Variants in GAS6 observed in about 807,000 individuals in gnomAD.
GAS6 encodes growth arrest-specific protein 6.
In GAS6, 41 loss-of-function variants were observed where a neutral mutation model predicts 75.8. The observed-to-expected ratio is 0.54, with a 90% CI of 0.42 to 0.70. The LOEUF (loss-of-function observed/expected upper bound fraction) is 0.70, where lower values mean the gene tolerates loss of function less well. Among genes scored for constraint, GAS6 ranks in the 30% least tolerant of loss-of-function variants. The pLI is 0.00. For synonymous variants in GAS6, 432 were observed against 412.6 expected, an observed-to-expected ratio of 1.05 and a Z score of -0.57; for missense variants, 854 against 940.2, an observed-to-expected ratio of 0.91 and a Z score of 1.20.
intron 2 of GAS6, among the ~76,000 whole-genome samples, chr13:113,854,578 T>G (rs1174501947): frequency 1.3e-5 from 2 of 152,224 alleles, no homozygotes; most frequent in Non-Finnish European, 2.9e-5. Flanking sequence ...ACATTCAGCA[T>G]GTGAGCGTGG....
chr13:113,843,142 G>A (rs2051803628), intron 4 of GAS6: 2 of 310,978 alleles, frequency 6.4e-6, no homozygotes, highest in Non-Finnish European at 1.2e-5. Flanking sequence ...GCCCCCGAGG[G>A]CACCCACTTC....
chr13:113,855,106 T>C (rs886409245), intron 2 of GAS6, among the ~76,000 whole-genome samples: 7 of 152,124 alleles, frequency 4.6e-5, no homozygotes, highest in Admixed American at 6.5e-5. Context: ...CAAAATAAAA[T>C]AGTCGTGGGC....
chr13:113,821,094 G>T (rs2051451432), intron 14 of GAS6, 76 bp from the exon 15 acceptor site: 1 of 1,519,140 alleles, frequency 6.6e-7, no homozygotes, highest in Non-Finnish European at 9.0e-7. Context: ...ACCCCCGGCA[G>T]CGCTTGTGGC....
intron 10 of GAS6, among the ~76,000 whole-genome samples, chr13:113,830,166 C>T (rs2051612341): frequency 6.6e-6 from 1 of 152,242 alleles, no homozygotes; most frequent in African/African-American, 2.4e-5. Context: ...TGTGTGAAAA[C>T]ACCTTTCAGG....
chr13:113,838,788 TGTGCACAGCCCAGCCCTGGAGCAGGGAGA>T (rs2051745600), intron 5 of GAS6, among the ~76,000 whole-genome samples: 1 of 87,072 alleles, frequency 1.1e-5, no homozygotes, highest in African/African-American at 4.6e-5. Context: ...GGACCGCGGG[TGTGCACAGCCCAGCCCTGGAGCAGGGAGA>T]GAGCCTGGGA....
At position 113,845,348 on chromosome 13, in the gene GAS6, G is replaced by C. The variant is rs549289647; in HGVS notation, c.343+1179C>G. On this transcript the variant is annotated intron_variant, in intron 4 of 14. Coordinates refer to ENST00000327773, the MANE Select transcript of GAS6 (RefSeq NM_000820.4). The surrounding 1 kb of genome is among the most constrained non-coding windows in gnomAD (Gnocchi z 4.3). ...GGATCCAGCTCCAAAGCCATGCCTGGGAAGAGACTCCTGCCTCTCCCAGGA... is the reference window on the plus strand; with the variant it reads ...GGATCCAGCTCCAAAGCCATGCCTGCGAAGAGACTCCTGCCTCTCCCAGGA... 1 of 150,196 alleles carries C rather than the reference G, an allele frequency of 6.7e-6. No homozygotes were observed. The highest frequency in any genetic ancestry group is 6.6e-5 in the Admixed American group (1 of 15,216). The allele number at this position is 150,196 out of a possible 1,614,324, so 9.3% of individuals were successfully genotyped here.
intron 11 of GAS6, among the ~76,000 whole-genome samples, chr13:113,828,061 G>A (rs995303614): frequency 1.8e-4 from 27 of 152,148 alleles, no homozygotes; most frequent in African/African-American, 6.0e-4. Flanking sequence ...AGTTCACGAG[G>A]TCAGAAGATC....
chr13:113,861,646 G>A (rs1001253456), intron 2 of GAS6, among the ~76,000 whole-genome samples: 4 of 152,156 alleles, frequency 2.6e-5, no homozygotes, highest in African/African-American at 9.7e-5. Flanking sequence ...GTCCTGGGAG[G>A]GGTGGGCCTG....
At chr13:113,838,848 G>A (rs1051422515) in intron 5 of GAS6, among the ~76,000 whole-genome samples, 2 of 151,822 alleles carry the variant, frequency 1.3e-5, no homozygotes, top group Non-Finnish European at 2.9e-5. Context: ...CAGCCCCCGA[G>A]CAGAGAGAGA....
intron 4 of GAS6, chr13:113,840,066 C>A (rs978992067): frequency 2.0e-5 from 12 of 598,464 alleles, no homozygotes; most frequent in Non-Finnish European, 3.4e-5. Flanking sequence ...CAGGAAAACT[C>A]AGATCAACTG....
intron 2 of GAS6, among the ~76,000 whole-genome samples, chr13:113,858,289 T>C (rs1345440806): frequency 6.6e-6 from 1 of 152,258 alleles, no homozygotes. Context: ...TGTGACTGTG[T>C]GTACATGTGT....
chr13:113,823,989 G>A (rs957394838), intron 12 of GAS6, among the ~76,000 whole-genome samples: 1 of 152,200 alleles, frequency 6.6e-6, no homozygotes, highest in Admixed American at 6.5e-5. Context: ...CCCAGTGGGG[G>A]CTGAGAGTTT....
chr13:113,828,203 G>T (rs1251419295), intron 11 of GAS6, among the ~76,000 whole-genome samples: 1 of 152,130 alleles, frequency 6.6e-6, no homozygotes, highest in Non-Finnish European at 1.5e-5. Context: ...GGCGGAGCTT[G>T]CAGTGAGCCG....
intron 13 of GAS6, 198 bp from the exon 14 acceptor site, chr13:113,822,384 C>G (rs913933354): frequency 6.1e-6 from 3 of 488,334 alleles, no homozygotes; most frequent in Non-Finnish European, 1.1e-5. Flanking sequence ...CTTCTCTGCA[C>G]GTAAAGCCAG....
At chr13:113,858,157 C>A (rs1001866636) in intron 2 of GAS6, among the ~76,000 whole-genome samples, 4 of 152,246 alleles carry the variant, frequency 2.6e-5, no homozygotes, top group African/African-American at 9.6e-5. Context: ...TGTCAGTGGT[C>A]TTCTGACCCC....
chr13:113,821,850 C>G, intron 14 of GAS6, 108 bp downstream of exon 14: 1 of 844,604 alleles, frequency 1.2e-6, no homozygotes, highest in Non-Finnish European at 1.8e-6. Flanking sequence ...AAGTCCTCTT[C>G]CGCATTCACT....
rs1454786215 is a variant in GAS6 at position 113,848,930 on chromosome 13, G to A, written c.256-880C>T. 2.0e-5 allele frequency among the ~76,000 whole-genome samples: 3 copies of A among 152,212 alleles called. No individual in the cohort carries two copies. Among genetic ancestry groups the A allele is most frequent in the African/African-American group, 4.8e-5 (2 of 41,452 alleles). On this transcript the variant is annotated intron_variant, in intron 2 of 14. Coordinates refer to ENST00000327773, the MANE Select transcript of GAS6 (RefSeq NM_000820.4). This position sits in a 1 kb window ranked among gnomAD's most constrained non-coding sequence, Gnocchi z 4.8. ...GGCATGAAGGTCAGGATTAGCAGGC[G>A]CTGGTAGCATTTTGCAGAGTAGCAG... is the stretch of plus-strand genomic sequence containing the variant.
chr13:113,842,393 C>T (rs1169791332), intron 4 of GAS6: 4 of 393,120 alleles, frequency 1.0e-5, no homozygotes, highest in African/African-American at 2.1e-5. Flanking sequence ...GGCTGGCCTT[C>T]GGAGTTACGA....
chr13:113,863,426 G>A lies in GAS6; in HGVS notation c.255+149C>T, dbSNP rs558951142. 4 of 694,220 alleles carry A rather than the reference G, an allele frequency of 5.8e-6. No individual in the cohort carries two copies. The South Asian group carries it at 1.7e-4, about 30-fold the overall frequency. The allele number at this position is 694,220 out of a possible 1,614,324, so 43.0% of individuals were successfully genotyped here. A position where few individuals can be genotyped will look rare whatever the true frequency, so the allele number is the denominator to read the frequency against. On this transcript the variant is annotated intron_variant, in intron 2 of 14. Transcript: ENST00000327773. This position sits in a 1 kb window ranked among gnomAD's most constrained non-coding sequence, Gnocchi z 9.4. ...CGGGGTCGCCGGGGGATGGGCGTGG[G>A]GGACGCGGGGCGGGCCGGGGCTCCT...
Sources: gnomAD v4.1 joint callset for allele counts (sites outside exome capture counted in the v4.1 genomes callset) on GRCh38, gnomAD v4.1.1 for gene constraint, Gnocchi (gnomAD v3.1) non-coding constraint, MANE v1.5 for transcripts, NCBI Gene and HGNC (gene_info 2026-07-23, HGNC 2026-07-21) for gene names.